Variants in TTC8 observed in about 807,000 individuals in gnomAD.
The protein encoded by TTC8 is tetratricopeptide repeat domain 8, also known as tetratricopeptide repeat protein 8.
In TTC8, 47 loss-of-function variants were observed where a neutral mutation model predicts 72.5. The ratio of observed to expected loss-of-function variants is 0.65; its 90% CI spans 0.51 to 0.83. TTC8 has a LOEUF of 0.83. TTC8 is among the 40% of genes least tolerant of loss of function. The probability of loss-of-function intolerance (pLI) is 0.00; values close to 1 mark genes in which losing one functional copy is unlikely to be tolerated. For missense variants in TTC8, 611 were observed against 623.2 expected (o/e 0.98, Z 0.21); for synonymous variants, 199 against 221.4 (o/e 0.90, Z 0.90).
At chr14:88,861,397 A>C in intron 10 of TTC8, 65 bp downstream of exon 10, 1 of 1,248,260 alleles carries the variant, frequency 8.0e-7, no homozygotes, top group Non-Finnish European at 1.1e-6. Context: ...TTTGTGGTAC[A>C]TGTGATATTT....
intron 10 of TTC8, among the ~76,000 whole-genome samples, chr14:88,868,789 T>C (rs1203787760): frequency 2.0e-5 from 3 of 152,138 alleles, no homozygotes; most frequent in African/African-American, 7.2e-5. Flanking sequence ...GCTGGTAAGA[T>C]CAAGAAAATC....
intron 2 of TTC8, among the ~76,000 whole-genome samples, chr14:88,834,241 A>T (rs1008716080): frequency 2.0e-5 from 3 of 152,182 alleles, no homozygotes; most frequent in African/African-American, 4.8e-5. Context: ...CAGTTTGGAT[A>T]AGGATAGGAG....
intron 13 of TTC8, among the ~76,000 whole-genome samples, chr14:88,874,502 T>C (rs187117028): frequency 7.5e-4 from 114 of 152,312 alleles, no homozygotes; most frequent in Non-Finnish European, 2.2e-4. Context: ...AATTGCTGTC[T>C]CACTAACAAA....
intron 9 of TTC8, among the ~76,000 whole-genome samples, chr14:88,860,843 G>T (rs1456359574): frequency 2.1e-5 from 3 of 146,302 alleles, no homozygotes; most frequent in Non-Finnish European, 3.0e-5. Context: ...GTTTCACTCT[G>T]TTGCCCAGGC....
intron 14 of TTC8, among the ~76,000 whole-genome samples, chr14:88,876,729 T>G (rs1475191968): frequency 6.6e-6 from 1 of 152,176 alleles, no homozygotes; most frequent in Non-Finnish European, 1.5e-5. Context: ...TATAAACTTT[T>G]AAAACCAGAT....
In TTC8 at chr14:88,877,534, G is replaced by A. The variant is rs539880883; in HGVS notation, c.*124G>A. 68 of 798,140 alleles carry A rather than the reference G, an allele frequency of 8.5e-5. No homozygotes were observed. The African/African-American group carries it at 1.1e-3, about 13-fold the overall frequency. 49.4% of individuals were successfully genotyped at this position (798,140 alleles called of 1,614,324 possible). A position where few individuals can be genotyped will look rare whatever the true frequency, so the allele number is the denominator to read the frequency against. On this transcript the variant is annotated 3_prime_UTR_variant, in exon 15 of 15. Transcript: ENST00000380656. ...TTTAACAAACCTGTCCTTGATATTA[G>A]TTAAGGTGACACATAAGGGTGACAC...
chr14:88,880,489 G>C (rs938839831), downstream of TTC8: 1 of 152,154 alleles, frequency 6.6e-6, no homozygotes, highest in African/African-American at 2.4e-5. Flanking sequence ...TGACTAATAA[G>C]GGAAAGTGGA....
downstream of TTC8, chr14:88,879,928 TG>T (rs1171385290): frequency 6.6e-6 from 1 of 152,282 alleles, no homozygotes; most frequent in East Asian, 1.9e-4. Context: ...CCACCCGCCA[TG>T]GCCTCCCAAA....
intron 2 of TTC8, 115 bp from the exon 3 acceptor site, chr14:88,839,337 G>A: frequency 9.2e-7 from 1 of 1,083,234 alleles, no homozygotes. Flanking sequence ...GTGTTAAGAG[G>A]TAAACATGTT....
intron 10 of TTC8, among the ~76,000 whole-genome samples, chr14:88,868,259 A>G (rs555643424): frequency 6.6e-6 from 1 of 152,320 alleles, no homozygotes; most frequent in East Asian, 1.9e-4. Context: ...GTGAACATGT[A>G]ATAGGTTTAT....
At chr14:88,847,517 C>A (rs2094812861) in intron 7 of TTC8, among the ~76,000 whole-genome samples, 1 of 152,082 alleles carries the variant, frequency 6.6e-6, no homozygotes, top group Non-Finnish European at 1.5e-5. Flanking sequence ...CAAAACCAAG[C>A]AATATTGAAC....
At chr14:88,846,484 G>C (rs1025753651) in intron 7 of TTC8, 5 of 559,158 alleles carry the variant, frequency 8.9e-6, no homozygotes, top group Admixed American at 6.7e-5. Flanking sequence ...CAGTAAGAAG[G>C]CCAGTGTGGC....
chr14:88,875,268 C>T (rs1455778635), intron 14 of TTC8, among the ~76,000 whole-genome samples, 159 bp downstream of exon 14: 1 of 152,052 alleles, frequency 6.6e-6, no homozygotes, highest in Non-Finnish European at 1.5e-5. Flanking sequence ...ATCTTTACTT[C>T]AAGGGACAGC....
Position 88,870,187 on chromosome 14 carries a change from C to G in TTC8, c.1038C>G (p.Leu346=), listed in dbSNP as rs1298829500. The G allele has an allele frequency of 6.2e-7, 1 of 1,613,916 alleles. No homozygotes were observed. Among genetic ancestry groups the G allele is most frequent in the African/African-American group, 1.3e-5 (1 of 74,900 alleles). The change falls in exon 11 of 15, where the codon CTC becomes CTG. Residue 346 remains leucine (L), a synonymous_variant. Transcript: ENST00000380656. ...HFYSDQPEIA[L]RFYRRLLQMG... ...ATTCTGATCAGCCAGAAATAGCTCT[C>G]CGGTTTTACAGGTGCACTTCACATC... is the stretch of plus-strand genomic sequence containing the variant.
chr14:88,844,346 C>G (rs2140983380), intron 7 of TTC8, among the ~76,000 whole-genome samples: 1 of 152,218 alleles, frequency 6.6e-6, no homozygotes, highest in South Asian at 2.1e-4. Context: ...CGTATGACTT[C>G]TCAAATTGTT....
intron 8 of TTC8, 144 bp from the exon 9 acceptor site, chr14:88,857,046 T>C (rs1422664182): frequency 7.9e-6 from 6 of 759,418 alleles, no homozygotes; most frequent in South Asian, 4.5e-5. Context: ...GCTGTATAAA[T>C]AAACATGTTA....
upstream of TTC8, chr14:88,824,353 A>T (rs1209176691): frequency 1.0e-5 from 3 of 288,108 alleles, no homozygotes; most frequent in Non-Finnish European, 1.3e-5. Flanking sequence ...CCTGCAGGGC[A>T]GGCAGAGCAT....
chr14:88,877,172 A>G, intron 14 of TTC8, 122 bp from the exon 15 acceptor site: 3 of 765,390 alleles, frequency 3.9e-6, no homozygotes, highest in Non-Finnish European at 6.5e-6. Flanking sequence ...TTGTTAAAAA[A>G]AAAAGAAAAG....
chr14:88,825,792 CTCCCAGCAA>C (rs1305859527), intron 1 of TTC8, among the ~76,000 whole-genome samples: 1 of 152,158 alleles, frequency 6.6e-6, no homozygotes, highest in East Asian at 1.9e-4. Context: ...TCTGCCTTAG[CTCCCAGCAA>C]ATGGATGATG....
Sources: gnomAD v4.1 joint callset for allele counts (sites outside exome capture counted in the v4.1 genomes callset) on GRCh38, gnomAD v4.1.1 for gene constraint, MANE v1.5 for transcripts, NCBI Gene and HGNC (gene_info 2026-07-23, HGNC 2026-07-21) for gene names.